The following NT5DC1 variants were observed in gnomAD, a reference collection of about 807,000 sequenced individuals.
NT5DC1 encodes 5'-nucleotidase domain containing 1.
A neutral mutation model predicts 59.4 loss-of-function variants in NT5DC1; 42 were observed. That is an observed-to-expected ratio of 0.71 (90% CI 0.55 to 0.92). The LOEUF (loss-of-function observed/expected upper bound fraction) is 0.92, where lower values mean the gene tolerates loss of function less well. Among genes scored for constraint, NT5DC1 ranks in the 40% least tolerant of loss-of-function variants. The pLI is 0.00. For missense variants in NT5DC1, 501 were observed against 537.1 expected (o/e 0.93, Z 0.66); for synonymous variants, 172 against 188.1 (o/e 0.91, Z 0.70).
At chr6:116,120,960 C>T in intron 6 of NT5DC1, 1 of 1,613,956 alleles carries the variant, frequency 6.2e-7, no homozygotes, top group Non-Finnish European at 8.5e-7. Flanking sequence ...CCTGGTTTTC[C>T]ATCTGACCCA....
At chr6:116,187,638 C>T (rs1781030702) in intron 6 of NT5DC1, among the ~76,000 whole-genome samples, 1 of 151,998 alleles carries the variant, frequency 6.6e-6, no homozygotes, top group African/African-American at 2.4e-5. Context: ...TAAAGGGTGC[C>T]TGGAGAGTTG....
chr6:116,182,329 AATTGTGCTGCTAT>A (rs1434783061), intron 6 of NT5DC1, among the ~76,000 whole-genome samples: 3 of 151,504 alleles, frequency 2.0e-5, no homozygotes, highest in Non-Finnish European at 2.9e-5. Context: ...AGCAGTTGCA[AATTGTGCTGCTAT>A]AAATGTGTGT....
At chr6:116,233,977 GTT>G (rs34646243) in intron 8 of NT5DC1, among the ~76,000 whole-genome samples, 16 of 109,840 alleles carry the variant, frequency 1.5e-4, no homozygotes, top group African/African-American at 4.5e-4. Context: ...TCTTATAACT[GTT>G]TTTTTTTTTT....
At chr6:116,214,769 G>T (rs1241087775) in intron 6 of NT5DC1, among the ~76,000 whole-genome samples, 1 of 151,992 alleles carries the variant, frequency 6.6e-6, no homozygotes, top group Non-Finnish European at 1.5e-5. Flanking sequence ...GTTCATTGTG[G>T]CTAAAGAGTT....
At chr6:116,120,953 G>C in intron 6 of NT5DC1, 1 of 1,613,882 alleles carries the variant, frequency 6.2e-7, no homozygotes, top group Non-Finnish European at 8.5e-7. Flanking sequence ...TGGGTACCCT[G>C]GTTTTCCATC....
chr6:116,125,037 T>C (rs960736709), intron 6 of NT5DC1, among the ~76,000 whole-genome samples: 2 of 152,254 alleles, frequency 1.3e-5, no homozygotes, highest in Non-Finnish European at 2.9e-5. Flanking sequence ...AGATCAAGAT[T>C]TCTGGATTAC....
chr6:116,148,140 T>C (rs765390624), intron 6 of NT5DC1, among the ~76,000 whole-genome samples: 2 of 152,202 alleles, frequency 1.3e-5, no homozygotes, highest in Non-Finnish European at 2.9e-5. Context: ...TAACACAGAA[T>C]ATCTCATATT....
chr6:116,177,050 C>G (rs998302283), intron 6 of NT5DC1, among the ~76,000 whole-genome samples: 54 of 152,146 alleles, frequency 3.5e-4, no homozygotes, highest in African/African-American at 1.3e-3. Flanking sequence ...CAACTAAAAT[C>G]TGAAGTTTTG....
rs959494735 is a variant in NT5DC1 at position 116,246,783 on chromosome 6, C to T, written c.*2759C>T. ...CCATGAGGGCATACCAAGTAATTCA[C>T]CCAGTATGGTCTTATTGCCACCCTT... On this transcript the variant is annotated 3_prime_UTR_variant, in exon 12 of 12. Coordinates refer to ENST00000319550, the MANE Select transcript of NT5DC1 (RefSeq NM_152729.3). The T allele has an allele frequency of 2.0e-5, 3 of 152,154 alleles. No individual in the cohort carries two copies. The highest frequency in any genetic ancestry group is 7.2e-5 in the African/African-American group (3 of 41,436). The allele number at this position is 152,154 out of a possible 1,614,324, so 9.4% of individuals were successfully genotyped here. A position where few individuals can be genotyped will look rare whatever the true frequency, so the allele number is the denominator to read the frequency against.
At chr6:116,190,751 G>A (rs1057502601) in intron 6 of NT5DC1, among the ~76,000 whole-genome samples, 1 of 151,984 alleles carries the variant, frequency 6.6e-6, no homozygotes, top group Non-Finnish European at 1.5e-5. Context: ...AGAGTCATGT[G>A]GTATGTAAAA....
intron 6 of NT5DC1, among the ~76,000 whole-genome samples, chr6:116,140,102 C>G (rs1317839321): frequency 6.6e-6 from 1 of 152,112 alleles, no homozygotes; most frequent in Admixed American, 6.6e-5. Flanking sequence ...GGTGGCAGAG[C>G]GGAGAGTTGA....
intron 6 of NT5DC1, among the ~76,000 whole-genome samples, chr6:116,133,835 A>G (rs1779525263): frequency 6.6e-6 from 1 of 152,154 alleles, no homozygotes; most frequent in Non-Finnish European, 1.5e-5. Flanking sequence ...GCTTTCTTTC[A>G]TATTTTAAAG....
At chr6:116,236,526 C>A (rs375906395) in intron 8 of NT5DC1, among the ~76,000 whole-genome samples, 2 of 152,174 alleles carry the variant, frequency 1.3e-5, no homozygotes, top group East Asian at 1.9e-4. Context: ...ACCAAGGGTG[C>A]AAAATTTACA....
intron 8 of NT5DC1, among the ~76,000 whole-genome samples, chr6:116,236,690 A>T (rs761395453): frequency 2.0e-5 from 3 of 152,206 alleles, no homozygotes; most frequent in Non-Finnish European, 4.4e-5. Context: ...TGTCAAGCAG[A>T]TGTCTGTCTA....
chr6:116,235,035 G>GTT (rs60150533), intron 8 of NT5DC1, among the ~76,000 whole-genome samples: 9 of 131,824 alleles, frequency 6.8e-5, no homozygotes, highest in Non-Finnish European at 1.5e-4. Flanking sequence ...CTTGATTTGG[G>GTT]TTTTTTTTTT....
chr6:116,225,517 A>G, intron 8 of NT5DC1, among the ~76,000 whole-genome samples: 1 of 152,190 alleles, frequency 6.6e-6, no homozygotes, highest in East Asian at 1.9e-4. Context: ...GGAAAGAGGA[A>G]AGGGTAGCCA....
chr6:116,174,873 C>T (rs938076326), intron 6 of NT5DC1, among the ~76,000 whole-genome samples: 5 of 152,078 alleles, frequency 3.3e-5, no homozygotes, highest in Non-Finnish European at 1.5e-5. Context: ...CTACATAAGC[C>T]ATTTTAGGAT....
intron 6 of NT5DC1, among the ~76,000 whole-genome samples, chr6:116,217,911 T>A (rs1781718128): frequency 6.6e-6 from 1 of 152,192 alleles, no homozygotes; most frequent in East Asian, 1.9e-4. Context: ...TTTCTATTTG[T>A]ATAATTATGT....
chr6:116,162,866 G>A (rs562099215), intron 6 of NT5DC1, among the ~76,000 whole-genome samples: 32 of 152,008 alleles, frequency 2.1e-4, no homozygotes, highest in African/African-American at 6.0e-4. Flanking sequence ...GGCTCAGAGC[G>A]CCTGTAATCC....
Sources: allele counts gnomAD v4.1 joint callset (sites outside exome capture counted in the v4.1 genomes callset), GRCh38; gene constraint gnomAD v4.1.1; transcripts MANE v1.5; gene names NCBI Gene and HGNC (gene_info 2026-07-23, HGNC 2026-07-21).